The following KIF26B variants were observed in gnomAD, a reference collection of about 807,000 sequenced individuals.
KIF26B encodes kinesin family member 26B.
A neutral mutation model predicts 151.2 loss-of-function variants in KIF26B; 63 were observed. The observed-to-expected ratio is 0.42, with a 90% CI of 0.34 to 0.51. The LOEUF is 0.51. Among genes scored for constraint, KIF26B ranks in the 20% least tolerant of loss-of-function variants. The pLI is 0.07. For missense variants in KIF26B, 2,813 were observed against 2,913.6 expected (o/e 0.97, Z 0.79); for synonymous variants, 1,357 against 1,262.1 (o/e 1.08, Z -1.59).
At chr1:245,342,548 G>C (rs939421175) in intron 2 of KIF26B, among the ~76,000 whole-genome samples, 10 of 147,774 alleles carry the variant, frequency 6.8e-5, no homozygotes, top group African/African-American at 2.2e-4. Flanking sequence ...AGTCAATTCT[G>C]GTTTTTGTTT....
At position 245,707,616 on chromosome 1, in the gene KIF26B, A is replaced by G. The variant is rs2044858775; in HGVS notation, c.*5010A>G. 1 of 152,196 alleles carries G rather than the reference A, an allele frequency of 6.6e-6. No individual in the cohort carries two copies. Among genetic ancestry groups the G allele is most frequent in the African/African-American group, 2.4e-5 (1 of 41,458 alleles). 9.4% of individuals were successfully genotyped at this position (152,196 alleles called of 1,614,324 possible). A position where few individuals can be genotyped will look rare whatever the true frequency, so the allele number is the denominator to read the frequency against. ...TTTTTTTCCATGTTTTTCTCACTCA[A>G]GCAAAGTCTGTTAGTGGAAACATGG... is the stretch of plus-strand genomic sequence containing the variant. On this transcript the variant is annotated 3_prime_UTR_variant, in exon 15 of 15. Coordinates refer to ENST00000407071, the MANE Select transcript of KIF26B (RefSeq NM_018012.4).
At position 245,463,373 on chromosome 1, in the gene KIF26B, G is replaced by A. The variant is rs546172212; in HGVS notation, c.1166+43628G>A. On this transcript the variant is annotated intron_variant, in intron 4 of 14. Coordinates refer to ENST00000407071, the MANE Select transcript of KIF26B (RefSeq NM_018012.4). ...CCAGGATTCATGCAATGGTGTGGCC[G>A]TCCTTCAAATCCTGTGAACCTCCCA... 2.5e-4 allele frequency among the ~76,000 whole-genome samples: 38 copies of A among 152,252 alleles called. No individual in the cohort carries two copies. In the South Asian group the frequency reaches 6.8e-3, roughly 27 times the overall value.
chr1:245,559,324 G>A (rs1292085496), intron 5 of KIF26B, among the ~76,000 whole-genome samples: 1 of 152,178 alleles, frequency 6.6e-6, no homozygotes, highest in African/African-American at 2.4e-5. Context: ...CGGCCACAGA[G>A]TGAGACCCTG....
At chr1:245,462,852 GAA>G (rs1659680329) in intron 4 of KIF26B, among the ~76,000 whole-genome samples, 2 of 31,882 alleles carry the variant, frequency 6.3e-5, no homozygotes, top group Non-Finnish European at 1.3e-4. Flanking sequence ...CAGTGTGAAT[GAA>G]TGAATGAATG....
In KIF26B at chr1:245,703,360, A is replaced by G. The variant is rs991286479; in HGVS notation, c.*754A>G. On this transcript the variant is annotated 3_prime_UTR_variant, in exon 15 of 15. Transcript: ENST00000407071. ...CAGGTGACCTCGATGCCACATCCCAACAAGCAGCGTGGTCAGGTAGACCCA... is the reference window on the plus strand; with the variant it reads ...CAGGTGACCTCGATGCCACATCCCAGCAAGCAGCGTGGTCAGGTAGACCCA... 3 of 152,232 alleles carry G rather than the reference A, an allele frequency of 2.0e-5. No individual in the cohort carries two copies. Among genetic ancestry groups the G allele is most frequent in the Non-Finnish European group, 4.4e-5 (3 of 68,034 alleles). 9.4% of individuals were successfully genotyped at this position (152,232 alleles called of 1,614,324 possible).
At chr1:245,535,322 G>A (rs1661465925) in intron 4 of KIF26B, among the ~76,000 whole-genome samples, 1 of 152,034 alleles carries the variant, frequency 6.6e-6, no homozygotes, top group Non-Finnish European at 1.5e-5. Context: ...GTAAAAATGT[G>A]ATTTATATTA....
At chr1:245,378,828 G>A (rs1441766391) in intron 3 of KIF26B, among the ~76,000 whole-genome samples, 1 of 152,194 alleles carries the variant, frequency 6.6e-6, no homozygotes, top group Non-Finnish European at 1.5e-5. Flanking sequence ...TGCTGACTGT[G>A]TGACCTCAAG....
intron 2 of KIF26B, among the ~76,000 whole-genome samples, chr1:245,324,428 A>G (rs1671946324): frequency 6.6e-6 from 1 of 152,190 alleles, no homozygotes; most frequent in South Asian, 2.1e-4. Flanking sequence ...GGAAACAATA[A>G]ACAGTCAAAA....
chr1:245,693,123 C>T (rs536380533), intron 12 of KIF26B, among the ~76,000 whole-genome samples: 1 of 152,192 alleles, frequency 6.6e-6, no homozygotes, highest in Non-Finnish European at 1.5e-5. Context: ...TGTGTTACTT[C>T]CTTGGATTCT....
chr1:245,656,327 T>C (rs1380793379), intron 10 of KIF26B, among the ~76,000 whole-genome samples: 1 of 152,208 alleles, frequency 6.6e-6, no homozygotes, highest in African/African-American at 2.4e-5. Flanking sequence ...CTCATCTGTG[T>C]CTTCCAAAGT....
In KIF26B at chr1:245,686,357, G is replaced by A. The variant is rs751251271; in HGVS notation, c.3374G>A (p.Arg1125His). 88 of 1,613,194 alleles carry A rather than the reference G, an allele frequency of 5.5e-5. No individual in the cohort carries two copies. The Admixed American group carries it at 8.0e-4, about 15-fold the overall frequency. Reference sequence around the variant, plus strand: ...GAGTCCTTGCTGCAGCCCGAGGTGCGTACGCCCCCGGTTGGAATGAGCCCC... The same window carrying A: ...GAGTCCTTGCTGCAGCCCGAGGTGCATACGCCCCCGGTTGGAATGAGCCCC... ...SRESLLQPEV[R>H]TPPVGMSPQV... The change falls in exon 12 of 15, where the codon CGT (arginine) becomes CAT (histidine). Residue 1125 changes from arginine (R) to histidine (H), a missense_variant. Arg to His is a conservative substitution (Grantham distance 29). Transcript: ENST00000407071. The surrounding 1 kb of genome is among the most constrained non-coding windows in gnomAD (Gnocchi z 5.6).
intron 4 of KIF26B, among the ~76,000 whole-genome samples, chr1:245,446,656 A>C (rs1659256815): frequency 6.6e-6 from 1 of 152,210 alleles, no homozygotes; most frequent in Non-Finnish European, 1.5e-5. Flanking sequence ...CTTTAGATTT[A>C]AGAGTAATAG....
chr1:245,368,082 T>A (rs572080559), intron 3 of KIF26B, among the ~76,000 whole-genome samples: 15 of 152,298 alleles, frequency 9.8e-5, no homozygotes, highest in Admixed American at 5.9e-4. Flanking sequence ...CACTCTGCCT[T>A]CCCTGTCTAT....
At chr1:245,168,961 C>T (rs1454591591) in intron 2 of KIF26B, among the ~76,000 whole-genome samples, 1 of 152,200 alleles carries the variant, frequency 6.6e-6, no homozygotes. Flanking sequence ...TTCCCTGACT[C>T]TTATTTCAAA....
intron 2 of KIF26B, among the ~76,000 whole-genome samples, chr1:245,259,486 G>C (rs12023945): frequency 0.072 from 10,917 of 152,144 alleles, 438 homozygotes; most frequent in African/African-American, 0.11. Context: ...GAATAAGGCC[G>C]GAGGAAGTGA....
rs375360924 is a variant in KIF26B at position 245,447,563 on chromosome 1, C to T, written c.1166+27818C>T. The stretch of plus-strand genomic sequence containing the variant: ...AGAGGCCAGCAGGAACTTGTCCCTC[C>T]CTTCGAGGTGGGAGGCGGGGCTGGA... On this transcript the variant is annotated intron_variant, in intron 4 of 14. Coordinates refer to ENST00000407071, the MANE Select transcript of KIF26B (RefSeq NM_018012.4). Among the ~76,000 whole-genome samples the T allele has an allele frequency of 1.1e-3, 161 of 152,154 alleles. 1 individual carries two copies. Among genetic ancestry groups the T allele is most frequent in the African/African-American group, 3.6e-3 (148 of 41,532 alleles).
In KIF26B at chr1:245,688,183, G is replaced by A. The variant is rs200259513; in HGVS notation, c.5200G>A (p.Ala1734Thr). Reference protein sequence around the residue: ...SPKAGQSKISAVSRLLLASPR... With the variant: ...SPKAGQSKISTVSRLLLASPR... ...CAAGGCCGGCCAGTCCAAGATCTCC[G>A]CCGTGAGCAGACTCCTCCTGGCCAG... The change falls in exon 12 of 15, where the codon GCC (alanine) becomes ACC (threonine). Residue 1734 changes from alanine (A) to threonine (T), a missense_variant. Transcript: ENST00000407071. The A allele has an allele frequency of 9.4e-4, 1,500 of 1,597,670 alleles. 14 individuals carry two copies. The African/African-American group carries it at 0.017, about 19-fold the overall frequency.
At chr1:245,340,190 C>G (rs555379654) in intron 2 of KIF26B, among the ~76,000 whole-genome samples, 1 of 152,278 alleles carries the variant, frequency 6.6e-6, no homozygotes, top group East Asian at 1.9e-4. Flanking sequence ...AAACTAAAAT[C>G]CACAAATGCT....
chr1:245,529,977 A>G (rs902242789), intron 4 of KIF26B, among the ~76,000 whole-genome samples: 7 of 150,396 alleles, frequency 4.7e-5, no homozygotes, highest in Admixed American at 4.0e-4. Flanking sequence ...AACTCTATGG[A>G]AAAAAAAATC....
Sources: gnomAD v4.1 joint callset for allele counts (sites outside exome capture counted in the v4.1 genomes callset) on GRCh38, gnomAD v4.1.1 for gene constraint, Gnocchi (gnomAD v3.1) non-coding constraint, MANE v1.5 for transcripts, NCBI Gene and HGNC (gene_info 2026-07-23, HGNC 2026-07-21) for gene names.